PDE4D: variants seen among roughly 807,000 people sequenced by gnomAD.
The protein encoded by PDE4D is 3',5'-cyclic-AMP phosphodiesterase 4D.
PDE4D carries 24 observed loss-of-function variants against 87.4 expected under a neutral mutation model. That is an observed-to-expected ratio of 0.27 (90% CI 0.20 to 0.39). The LOEUF (loss-of-function observed/expected upper bound fraction) is 0.39, where lower values mean the gene tolerates loss of function less well. PDE4D is among the 10% of genes least tolerant of loss of function. The pLI, the probability that PDE4D is intolerant of heterozygous loss-of-function variation, is 1.00. For missense variants in PDE4D, 714 were observed against 1,041.0 expected (o/e 0.69, Z 4.32); for synonymous variants, 384 against 383.2 (o/e 1.00, Z -0.02).
intron 1 of PDE4D, among the ~76,000 whole-genome samples, chr5:60,296,520 A>AT (rs1753406774): frequency 6.6e-6 from 1 of 152,220 alleles, no homozygotes; most frequent in Non-Finnish European, 1.5e-5. Context: ...TTTCTTTCTA[A>AT]TAAGTACCAT....
At chr5:59,943,335 T>C (rs557629016) in intron 3 of PDE4D, among the ~76,000 whole-genome samples, 4 of 152,202 alleles carry the variant, frequency 2.6e-5, no homozygotes, top group Admixed American at 2.0e-4. Context: ...AAGGAGTTCT[T>C]TGTCCTTCTG....
At chr5:60,020,821 A>G (rs142991488) in intron 2 of PDE4D, among the ~76,000 whole-genome samples, 1 of 152,348 alleles carries the variant, frequency 6.6e-6, no homozygotes, top group Non-Finnish European at 1.5e-5. Flanking sequence ...AAGCCATTAC[A>G]TTAAGCCACA....
chr5:60,248,167 C>G (rs554596164), intron 1 of PDE4D, among the ~76,000 whole-genome samples: 1 of 151,938 alleles, frequency 6.6e-6, no homozygotes, highest in East Asian at 1.9e-4. Flanking sequence ...GGCCACAGAA[C>G]CTCTCTTTTT....
chr5:60,037,120 C>A (rs551570338), intron 2 of PDE4D, among the ~76,000 whole-genome samples: 10 of 151,992 alleles, frequency 6.6e-5, no homozygotes, highest in African/African-American at 9.7e-5. Flanking sequence ...CATCACAGAA[C>A]AAAACTAGAT....
chr5:60,037,140 T>C (rs192425333), intron 2 of PDE4D, among the ~76,000 whole-genome samples: 142 of 152,318 alleles, frequency 9.3e-4, no homozygotes, highest in African/African-American at 3.3e-3. Context: ...TGAGAATGTA[T>C]GTGGATAACA....
intron 1 of PDE4D, among the ~76,000 whole-genome samples, chr5:59,752,579 A>C (rs1355704892): frequency 6.6e-6 from 1 of 152,138 alleles, no homozygotes; most frequent in Non-Finnish European, 1.5e-5. Context: ...AGTAGTTCTT[A>C]ACTGAAAACA....
chr5:60,035,531 A>C (rs576412695), intron 2 of PDE4D, among the ~76,000 whole-genome samples: 6 of 152,284 alleles, frequency 3.9e-5, no homozygotes, highest in African/African-American at 1.4e-4. Context: ...TCCTTCCATC[A>C]AGTTAGGCGG....
chr5:59,441,883 C>A (rs1387836954), intron 1 of PDE4D, among the ~76,000 whole-genome samples: 1 of 152,196 alleles, frequency 6.6e-6, no homozygotes, highest in African/African-American at 2.4e-5. Context: ...GATGAACGGT[C>A]TTCCATCCAG....
intron 1 of PDE4D, among the ~76,000 whole-genome samples, chr5:59,319,345 G>A (rs1200497999): frequency 6.6e-6 from 1 of 151,910 alleles, no homozygotes; most frequent in East Asian, 1.9e-4. Context: ...CTACTCTCCT[G>A]GTATAATACT....
chr5:60,500,968 C>T (rs1335601545), intron 1 of PDE4D, among the ~76,000 whole-genome samples: 1 of 151,562 alleles, frequency 6.6e-6, no homozygotes, highest in Non-Finnish European at 1.5e-5. Flanking sequence ...ACTATGATAC[C>T]AGAGCTACAG....
chr5:60,016,053 TTGTG>T (rs1765488182), intron 2 of PDE4D, among the ~76,000 whole-genome samples: 1 of 132,630 alleles, frequency 7.5e-6, no homozygotes, highest in Non-Finnish European at 1.7e-5. Context: ...GTGTGTGTGT[TTGTG>T]TGTGTGTATA....
intron 2 of PDE4D, among the ~76,000 whole-genome samples, chr5:60,174,451 A>G (rs919290248): frequency 4.6e-5 from 7 of 152,252 alleles, no homozygotes; most frequent in Non-Finnish European, 8.8e-5. Context: ...CTAAATTGCA[A>G]TTGAGCCTAT....
chr5:60,358,742 A>G (rs554942730), intron 1 of PDE4D, among the ~76,000 whole-genome samples: 1 of 152,194 alleles, frequency 6.6e-6, no homozygotes, highest in Admixed American at 6.6e-5. Flanking sequence ...ATAAGGTTTC[A>G]TTCAAGTTCA....
intron 1 of PDE4D, among the ~76,000 whole-genome samples, chr5:59,707,878 A>C (rs1226351264): frequency 6.6e-6 from 1 of 152,106 alleles, no homozygotes; most frequent in African/African-American, 2.4e-5. Flanking sequence ...ATTTGGGTTG[A>C]TTCCATGCCT....
At chr5:60,113,497 C>T (rs547875475) in intron 2 of PDE4D, among the ~76,000 whole-genome samples, 21 of 152,216 alleles carry the variant, frequency 1.4e-4, no homozygotes, top group Non-Finnish European at 2.5e-4. Flanking sequence ...CTAGGGGTCA[C>T]GTGGAGGCCT....
At chr5:60,501,568 A>G (rs951258051) in intron 1 of PDE4D, among the ~76,000 whole-genome samples, 10 of 151,534 alleles carry the variant, frequency 6.6e-5, no homozygotes, top group Admixed American at 6.6e-4. Context: ...TCCCTGAGGA[A>G]TCGCCACACT....
intron 1 of PDE4D, among the ~76,000 whole-genome samples, chr5:59,396,930 A>T (rs1459234620): frequency 0.023 from 2,664 of 115,594 alleles, 787 homozygotes; most frequent in African/African-American, 0.091. Flanking sequence ...AGGGGTTGCA[A>T]TCCTGGTCTC....
intron 1 of PDE4D, among the ~76,000 whole-genome samples, chr5:60,309,318 A>C (rs1328480447): frequency 6.6e-6 from 1 of 152,186 alleles, no homozygotes; most frequent in Non-Finnish European, 1.5e-5. Flanking sequence ...TTCCATTCTC[A>C]AAAGCAGCCA....
intron 1 of PDE4D, among the ~76,000 whole-genome samples, chr5:60,325,127 A>C (rs993109082): frequency 2.0e-5 from 3 of 152,190 alleles, no homozygotes; most frequent in Non-Finnish European, 2.9e-5. Flanking sequence ...CAAAATTCTC[A>C]ATCACTTTAT....
Sources: allele counts gnomAD v4.1 joint callset (sites outside exome capture counted in the v4.1 genomes callset), GRCh38; gene constraint gnomAD v4.1.1; transcripts MANE v1.5; gene names NCBI Gene and HGNC (gene_info 2026-07-23, HGNC 2026-07-21).